MIS18A: variants seen among roughly 807,000 people sequenced by gnomAD.
The protein encoded by MIS18A is protein Mis18-alpha.
A neutral mutation model predicts 25.0 loss-of-function variants in MIS18A; 14 were observed. That is an observed-to-expected ratio of 0.56 (90% CI 0.37 to 0.88). The LOEUF (loss-of-function observed/expected upper bound fraction) is 0.88. Ranked by LOEUF, MIS18A falls within the 40% of genes least tolerant of loss-of-function variation. The pLI is 0.00. For missense variants in MIS18A, 292 were observed against 290.8 expected (o/e 1.00, Z -0.03); for synonymous variants, 134 against 118.6 (o/e 1.13, Z -0.84).
At chr21:32,256,478 G>C in the MIS18A span, among the ~76,000 whole-genome samples, 1 of 152,088 alleles carries the variant, frequency 6.6e-6, no homozygotes, top group South Asian at 2.1e-4. Context: ...TCTACCGGGA[G>C]GCATAAAAAG....
chr21:32,249,966 C>A, the MIS18A span, among the ~76,000 whole-genome samples: 2 of 152,178 alleles, frequency 1.3e-5, no homozygotes, highest in African/African-American at 4.8e-5. Context: ...GGGAGGAATT[C>A]TTGGCACTCC....
At chr21:32,241,482 T>C in the MIS18A span, among the ~76,000 whole-genome samples, 910 of 152,266 alleles carry the variant, frequency 6.0e-3, 10 homozygotes, top group African/African-American at 0.021. Flanking sequence ...GAAGATGGTG[T>C]GGCAGGGTGA....
At chr21:32,167,255 C>G in the MIS18A span, among the ~76,000 whole-genome samples, 5 of 152,032 alleles carry the variant, frequency 3.3e-5, no homozygotes, top group Non-Finnish European at 5.9e-5. Context: ...CAACATCCAG[C>G]CTTCAATTGA....
At chr21:32,245,306 G>A in the MIS18A span, among the ~76,000 whole-genome samples, 10 of 152,202 alleles carry the variant, frequency 6.6e-5, no homozygotes, top group Admixed American at 6.5e-4. Flanking sequence ...TACCTGAAGT[G>A]TTCCCTTCCG....
chr21:32,164,805 A>AG, the MIS18A span, among the ~76,000 whole-genome samples: 1 of 152,166 alleles, frequency 6.6e-6, no homozygotes. Flanking sequence ...AAGGTAAAAA[A>AG]CAAATCCCCA....
intron 1 of MIS18A, among the ~76,000 whole-genome samples, chr21:32,276,257 G>A (rs577429438): frequency 3.3e-5 from 5 of 151,646 alleles, no homozygotes; most frequent in East Asian, 2.0e-4. Context: ...TCAGGAGATC[G>A]AGACCATCCT....
At chr21:32,193,383 C>T in the MIS18A span, among the ~76,000 whole-genome samples, 23,055 of 152,176 alleles carry the variant, frequency 0.15, 1,858 homozygotes, top group East Asian at 0.24. Flanking sequence ...GAAACAGAAA[C>T]TCGCACGTTT....
chr21:32,161,336 T>C, the MIS18A span, among the ~76,000 whole-genome samples: 1 of 152,210 alleles, frequency 6.6e-6, no homozygotes, highest in Non-Finnish European at 1.5e-5. Flanking sequence ...TTGACAGTTA[T>C]GAAGAGCACT....
chr21:32,179,578 A>C, the MIS18A span, among the ~76,000 whole-genome samples: 1 of 152,136 alleles, frequency 6.6e-6, no homozygotes, highest in Admixed American at 6.5e-5. Context: ...ACCTTGAAGG[A>C]TTTCCCTCGC....
the MIS18A span, among the ~76,000 whole-genome samples, chr21:32,253,263 C>T: frequency 3.9e-5 from 6 of 152,078 alleles, no homozygotes; most frequent in African/African-American, 1.2e-4. Context: ...AGGCATTTCT[C>T]CCAATGCTTC....
the MIS18A span, among the ~76,000 whole-genome samples, chr21:32,183,518 G>C: frequency 6.6e-6 from 1 of 152,124 alleles, no homozygotes; most frequent in Non-Finnish European, 1.5e-5. Context: ...AACCATCCAG[G>C]TCCTCTCATC....
chr21:32,163,763 G>A, the MIS18A span, among the ~76,000 whole-genome samples: 12 of 152,074 alleles, frequency 7.9e-5, no homozygotes, highest in African/African-American at 2.7e-4. Context: ...GACATTTCCA[G>A]ATCAAAAAAA....
chr21:32,200,466 C>T, the MIS18A span, among the ~76,000 whole-genome samples: 1 of 148,830 alleles, frequency 6.7e-6, no homozygotes, highest in Non-Finnish European at 1.5e-5. Flanking sequence ...CGGAGTCTCA[C>T]TCTGTTGCCC....
the MIS18A span, among the ~76,000 whole-genome samples, chr21:32,205,584 T>C: frequency 6.6e-6 from 1 of 151,890 alleles, no homozygotes; most frequent in Non-Finnish European, 1.5e-5. Flanking sequence ...GTTTTGGGGG[T>C]GGAGAGGGTC....
chr21:32,267,680 G>A (rs1324039943), downstream of MIS18A, among the ~76,000 whole-genome samples: 2 of 152,146 alleles, frequency 1.3e-5, no homozygotes, highest in South Asian at 2.1e-4. Context: ...TGAGTCTTGT[G>A]GCTAAAATAC....
At chr21:32,242,622 G>T in the MIS18A span, among the ~76,000 whole-genome samples, 1 of 152,134 alleles carries the variant, frequency 6.6e-6, no homozygotes, top group East Asian at 1.9e-4. Flanking sequence ...CTGTATTCTT[G>T]AATGTAGACA....
chr21:32,246,327 C>T, the MIS18A span, among the ~76,000 whole-genome samples: 1 of 152,150 alleles, frequency 6.6e-6, no homozygotes, highest in African/African-American at 2.4e-5. Flanking sequence ...TCTTTCAGAA[C>T]CAGCCAGGTG....
the MIS18A span, among the ~76,000 whole-genome samples, chr21:32,237,393 C>T: frequency 3.9e-5 from 6 of 152,196 alleles, no homozygotes; most frequent in Admixed American, 3.3e-4. Flanking sequence ...TGTCCGCCTG[C>T]CAGTGAATCC....
At chr21:32,209,583 A>T in the MIS18A span, among the ~76,000 whole-genome samples, 10 of 152,346 alleles carry the variant, frequency 6.6e-5, no homozygotes, top group Middle Eastern at 3.4e-3. Context: ...CCCATTGTTC[A>T]GGTAAAGAAA....
Sources: gnomAD v4.1 joint callset for allele counts (sites outside exome capture counted in the v4.1 genomes callset) on GRCh38, gnomAD v4.1.1 for gene constraint, MANE v1.5 for transcripts, NCBI Gene and HGNC (gene_info 2026-07-23, HGNC 2026-07-21) for gene names.